Variants in AEBP2 observed in about 807,000 individuals in gnomAD.
AEBP2 encodes the protein zinc finger protein AEBP2.
AEBP2 carries 10 observed loss-of-function variants against 50.8 expected under a neutral mutation model. The ratio of observed to expected loss-of-function variants is 0.20; its 90% CI spans 0.12 to 0.33. AEBP2 has a LOEUF of 0.33. AEBP2 is among the 10% of genes least tolerant of loss of function. The pLI, the probability that AEBP2 is intolerant of heterozygous loss-of-function variation, is 1.00. For synonymous variants in AEBP2, 296 were observed against 261.3 expected, an observed-to-expected ratio of 1.13 and a Z score of -1.28; for missense variants, 570 against 688.0, an observed-to-expected ratio of 0.83 and a Z score of 1.92.
chr12:19,454,561 A>T (rs565939165), intron 1 of AEBP2, among the ~76,000 whole-genome samples: 5 of 152,368 alleles, frequency 3.3e-5, no homozygotes, highest in Admixed American at 2.0e-4. Flanking sequence ...TGATGTATTC[A>T]TAGAAAATTC....
At chr12:19,444,098 G>A (rs1433516528) in intron 1 of AEBP2, among the ~76,000 whole-genome samples, 1 of 152,068 alleles carries the variant, frequency 6.6e-6, no homozygotes, top group East Asian at 1.9e-4. Context: ...TGAAGCTGAA[G>A]TACTTTTTAA....
chr12:19,436,597 T>G (rs1295501925), upstream of AEBP2, among the ~76,000 whole-genome samples: 44 of 146,132 alleles, frequency 3.0e-4, no homozygotes, highest in South Asian at 6.6e-4. Flanking sequence ...CTTTTTTTTT[T>G]GGGGGGGGGA....
intron 1 of AEBP2, among the ~76,000 whole-genome samples, chr12:19,408,878 G>A (rs1222554557): frequency 3.3e-5 from 5 of 150,934 alleles, no homozygotes; most frequent in Non-Finnish European, 2.9e-5. Flanking sequence ...ACTCCAGCAT[G>A]GGTGACAGAG....
intron 3 of AEBP2, among the ~76,000 whole-genome samples, chr12:19,491,041 T>C (rs1422341645): frequency 1.3e-5 from 2 of 152,216 alleles, no homozygotes; most frequent in East Asian, 3.8e-4. Flanking sequence ...TCAGTTACAA[T>C]AACCATATTT....
intron 1 of AEBP2, among the ~76,000 whole-genome samples, chr12:19,417,843 T>C (rs1228605659): frequency 6.6e-6 from 1 of 152,060 alleles, no homozygotes; most frequent in African/African-American, 2.4e-5. Flanking sequence ...TAGCTGGGAC[T>C]ATAGGCATGT....
intron 1 of AEBP2, among the ~76,000 whole-genome samples, chr12:19,421,344 CAAAAAAAAAAA>C (rs375160231): frequency 3.6e-5 from 3 of 82,456 alleles, no homozygotes; most frequent in Admixed American, 3.3e-4. Flanking sequence ...GACTCTGTCT[CAAAAAAAAAAA>C]AAAAAAAAAA....
chr12:19,493,748 C>G, intron 3 of AEBP2, 52 bp from the exon 4 acceptor site: 1 of 1,533,384 alleles, frequency 6.5e-7, no homozygotes, highest in Admixed American at 2.0e-5. Context: ...TGATATTCTT[C>G]TCGTGCCCTA....
At position 19,518,246 on chromosome 12, in the gene AEBP2, G is replaced by A. The variant is rs1472375129; in HGVS notation, c.*129G>A. 24 of 1,277,898 alleles carry A rather than the reference G, an allele frequency of 1.9e-5. No individual in the cohort carries two copies. The African/African-American group carries it at 3.6e-4, about 19-fold the overall frequency. The allele number at this position is 1,277,898 out of a possible 1,614,324, so 79.2% of individuals were successfully genotyped here. ...TTTTTTTTTTTTTTTTTTAAATCCA[G>A]TATTTAGGATAATATTTATGCTTAG... On this transcript the variant is annotated 3_prime_UTR_variant, in exon 8 of 8. Transcript: ENST00000266508.
At chr12:19,479,349 C>A (rs1282393922) in intron 3 of AEBP2, among the ~76,000 whole-genome samples, 4 of 152,056 alleles carry the variant, frequency 2.6e-5, no homozygotes, top group African/African-American at 9.7e-5. Context: ...ATTGAAGTCC[C>A]CCACTATTAT....
intron 1 of AEBP2, among the ~76,000 whole-genome samples, chr12:19,441,348 G>A (rs1319771282): frequency 6.6e-6 from 1 of 152,016 alleles, no homozygotes; most frequent in Non-Finnish European, 1.5e-5. Context: ...TGGGTTAGTT[G>A]GTTTTTAATG....
chr12:19,422,082 C>T (rs1405416541), intron 1 of AEBP2, among the ~76,000 whole-genome samples: 1 of 152,054 alleles, frequency 6.6e-6, no homozygotes, highest in East Asian at 1.9e-4. Context: ...GCAGAGCTTT[C>T]AGTGAGCTGA....
intron 5 of AEBP2, among the ~76,000 whole-genome samples, chr12:19,510,556 A>G (rs1949218625): frequency 6.6e-6 from 1 of 152,208 alleles, no homozygotes; most frequent in Non-Finnish European, 1.5e-5. Flanking sequence ...GTAATCAAAA[A>G]ATGAAGCGTA....
Position 19,439,996 on chromosome 12 carries a change from GGAGGAGGACGAC to G in AEBP2, c.306_317del (p.Asp102_Glu105del). On this transcript the variant is annotated inframe_deletion, in exon 1 of 8. Coordinates refer to ENST00000266508, the MANE Select transcript of AEBP2 (RefSeq NM_153207.5). ...GCCAGGCCGGGGAGGACGAAGACGA[GGAGGAGGACGAC>G]GAGGAGGAGGAAGATGAGAGCAGCA... 7 of 1,525,324 alleles carry G rather than the reference GGAGGAGGACGAC, an allele frequency of 4.6e-6. No individual in the cohort carries two copies. Among genetic ancestry groups the G allele is most frequent in the Non-Finnish European group, 6.1e-6 (7 of 1,142,354 alleles). 94.5% of individuals were successfully genotyped at this position (1,525,324 alleles called of 1,614,324 possible).
At chr12:19,515,716 A>G (rs537058719) in intron 7 of AEBP2, among the ~76,000 whole-genome samples, 1 of 152,032 alleles carries the variant, frequency 6.6e-6, no homozygotes, top group Non-Finnish European at 1.5e-5. Flanking sequence ...TCACCTGGAG[A>G]TTTCCTGTAA....
chr12:19,423,389 A>G (rs2095746867), intron 1 of AEBP2, among the ~76,000 whole-genome samples: 1 of 152,198 alleles, frequency 6.6e-6, no homozygotes, highest in Admixed American at 6.5e-5. Flanking sequence ...GCCACGTCAG[A>G]GTGAAGCTCC....
intron 5 of AEBP2, among the ~76,000 whole-genome samples, chr12:19,508,235 ATAAAAAC>A (rs1281889049): frequency 6.6e-6 from 1 of 152,210 alleles, no homozygotes; most frequent in Non-Finnish European, 1.5e-5. Context: ...ATTTTAAAAA[ATAAAAAC>A]TAGAAACGGG....
chr12:19,453,510 G>T (rs1034561436), intron 1 of AEBP2, among the ~76,000 whole-genome samples: 1 of 150,878 alleles, frequency 6.6e-6, no homozygotes, highest in African/African-American at 2.4e-5. Flanking sequence ...TGTAGCCTCC[G>T]CTTCCTGGGT....
At chr12:19,482,609 A>G (rs1948746595) in intron 3 of AEBP2, among the ~76,000 whole-genome samples, 2 of 152,102 alleles carry the variant, frequency 1.3e-5, no homozygotes, top group Admixed American at 6.6e-5. Flanking sequence ...TGCTTGCCCT[A>G]AGTTGGCCTG....
At chr12:19,484,771 TTAAG>T (rs1452349586) in intron 3 of AEBP2, among the ~76,000 whole-genome samples, 2 of 152,288 alleles carry the variant, frequency 1.3e-5, no homozygotes, top group African/African-American at 2.4e-5. Context: ...AATTTTTTTT[TTAAG>T]TAAGTGGTCT....
Sources: gnomAD v4.1 joint callset for allele counts (sites outside exome capture counted in the v4.1 genomes callset) on GRCh38, gnomAD v4.1.1 for gene constraint, MANE v1.5 for transcripts, NCBI Gene and HGNC (gene_info 2026-07-23, HGNC 2026-07-21) for gene names.